The following ELSPBP1 variants were observed in gnomAD, a reference collection of about 807,000 sequenced individuals.
ELSPBP1 encodes epididymal sperm-binding protein 1.
In ELSPBP1, 38 loss-of-function variants were observed where a neutral mutation model predicts 33.3. The observed-to-expected ratio is 1.14, with a 90% CI of 0.88 to 1.50. The LOEUF (loss-of-function observed/expected upper bound fraction) is 1.50, where lower values mean the gene tolerates loss of function less well. ELSPBP1 is among the 40% of genes most tolerant of loss of function. The pLI is 0.00. For synonymous variants in ELSPBP1, 85 were observed against 94.1 expected (o/e 0.90, Z 0.56); for missense variants, 267 against 263.5 (o/e 1.01, Z -0.09).
intron 5 of ELSPBP1, among the ~76,000 whole-genome samples, chr19:48,021,199 G>A (rs558338679): frequency 6.6e-6 from 1 of 152,124 alleles, no homozygotes; most frequent in Non-Finnish European, 1.5e-5. Flanking sequence ...GTGGTCATTT[G>A]TGGACACACA....
rs1451075559 is a variant in ELSPBP1, at chr19:48,011,128, G to T, written c.70+2391G>T. Among the ~76,000 whole-genome samples the T allele has an allele frequency of 1.3e-5, 2 of 152,060 alleles. No homozygotes were observed. The highest frequency in any genetic ancestry group is 3.9e-4 in the East Asian group (2 of 5,186). ...TGACAATGATGATGGTGACAGTGAT[G>T]ATGATGACGATGATGATAATGATTA... On this transcript the variant is annotated intron_variant, in intron 2 of 6. Transcript: ENST00000339841. The surrounding 1 kb of genome is among the most constrained non-coding windows in gnomAD (Gnocchi z 4.5).
chr19:48,012,321 G>A (rs867907482), intron 2 of ELSPBP1, among the ~76,000 whole-genome samples: 5 of 151,726 alleles, frequency 3.3e-5, no homozygotes, highest in East Asian at 1.9e-4. Context: ...GTAGAGATGG[G>A]GGTCTCACTT....
chr19:48,020,485 C>G (rs746805695), intron 5 of ELSPBP1, among the ~76,000 whole-genome samples: 2 of 152,196 alleles, frequency 1.3e-5, no homozygotes, highest in Non-Finnish European at 1.5e-5. Context: ...TGTTGGGAGA[C>G]TCAGACTCAA....
intron 4 of ELSPBP1, among the ~76,000 whole-genome samples, chr19:48,016,456 TTTTCTTTCCTTCTTTCTTTCTTTCTTTC>T (rs1287342559): frequency 0.026 from 2,602 of 99,880 alleles, 94 homozygotes; most frequent in African/African-American, 0.036. Flanking sequence ...TTTCTCTTTC[TTTTCTTTCCTTCTTTCTTTCTTTCTTTC>T]TTTCTTTCTT....
At chr19:48,013,213 G>GC (rs1967095613) in intron 2 of ELSPBP1, among the ~76,000 whole-genome samples, 1 of 152,040 alleles carries the variant, frequency 6.6e-6, no homozygotes, top group African/African-American at 2.4e-5. Context: ...AATGTCATTG[G>GC]CCCCCCATTT....
chr19:48,012,485 AG>A (rs1413677778), intron 2 of ELSPBP1, among the ~76,000 whole-genome samples: 1 of 152,194 alleles, frequency 6.6e-6, no homozygotes, highest in Non-Finnish European at 1.5e-5. Context: ...TTGAAAAAAA[AG>A]AAGGACAACT....
Position 48,022,313 on chromosome 19 carries a change from T to A in ELSPBP1, c.658T>A (p.Trp220Arg). 6.2e-7 allele frequency: 1 copy of A among 1,611,892 alleles called. No homozygotes were observed. The highest frequency in any genetic ancestry group is 8.5e-7 in the Non-Finnish European group (1 of 1,179,036). ...TTACAACTACGACCAAGACCACACC[T>A]GGGTGTATTGCTGATGCTGAGGTGA... ...TSYNYDQDHT[W>R]VYC Residue 220 changes from tryptophan to arginine, a missense_variant, in exon 6 of 7, where the codon TGG (tryptophan) becomes AGG (arginine). Trp to Arg is a moderately radical substitution (Grantham distance 101). Transcript: ENST00000339841.
chr19:48,007,834 G>A (rs1171050698), intron 1 of ELSPBP1, among the ~76,000 whole-genome samples: 1 of 152,142 alleles, frequency 6.6e-6, no homozygotes, highest in Non-Finnish European at 1.5e-5. Flanking sequence ...CTGAGTGTTA[G>A]TTTCTGCATC....
intron 1 of ELSPBP1, among the ~76,000 whole-genome samples, chr19:48,003,288 C>T (rs1279445072): frequency 2.0e-5 from 3 of 152,152 alleles, no homozygotes; most frequent in Non-Finnish European, 4.4e-5. Flanking sequence ...ACCAATTCTT[C>T]GAATTTGCAC....
intron 1 of ELSPBP1, among the ~76,000 whole-genome samples, chr19:48,003,587 A>C (rs539366787): frequency 4.8e-5 from 7 of 144,452 alleles, no homozygotes; most frequent in African/African-American, 1.5e-4. Flanking sequence ...CCCAGGCTGG[A>C]GTGCAGTGGC....
rs147202010 is a variant in ELSPBP1, at chr19:48,013,088, G to C, written c.71-1083G>C. On this transcript the variant is annotated intron_variant, in intron 2 of 6. Coordinates refer to ENST00000339841, the MANE Select transcript of ELSPBP1 (RefSeq NM_022142.5). ...GCTTTCTCTTTTGCGTAAGCAGAAG[G>C]ACTAAAAGGACCACTGGAAAATGAT... Among the ~76,000 whole-genome samples, 9 of 152,268 alleles carry C rather than the reference G, an allele frequency of 5.9e-5. 1 individual carries two copies. Among genetic ancestry groups the C allele is most frequent in the African/African-American group, 2.2e-4 (9 of 41,564 alleles).
chr19:48,016,084 T>A (rs755798307), intron 4 of ELSPBP1, 45 bp downstream of exon 4: 23 of 1,600,428 alleles, frequency 1.4e-5, no homozygotes, highest in Non-Finnish European at 2.0e-5. Flanking sequence ...GGAGGGAGAG[T>A]GGACAGCATG....
rs751607695 is a variant in ELSPBP1 at position 48,014,175 on chromosome 19, G to A, written c.75G>A (p.Met25Ile). 6.2e-7 allele frequency: 1 copy of A among 1,613,290 alleles called. No homozygotes were observed. The highest frequency in any genetic ancestry group is 1.7e-5 in the Admixed American group (1 of 59,976). Residue 25 changes from methionine to isoleucine, a missense_variant, in exon 3 of 7, where the codon ATG (methionine) becomes ATA (isoleucine). Physicochemically the swap from Met to Ile is conservative, Grantham distance 10. Transcript: ENST00000339841. ...LLYSYESSGG[M>I]HEECVFPFTY... ...TTTTCTCCTTCTGCCCTTCAGGGAT[G>A]CATGAGGAATGTGTCTTTCCTTTCA... is the stretch of plus-strand genomic sequence containing the variant.
At chr19:47,997,363 TA>T (rs1966921319) in intron 1 of ELSPBP1, among the ~76,000 whole-genome samples, 2 of 152,236 alleles carry the variant, frequency 1.3e-5, no homozygotes, top group Non-Finnish European at 2.9e-5. Flanking sequence ...CATGTGAGCA[TA>T]TGTGCATGCA....
At chr19:47,998,177 G>T (rs1966929099) in intron 1 of ELSPBP1, among the ~76,000 whole-genome samples, 1 of 152,136 alleles carries the variant, frequency 6.6e-6, no homozygotes. Context: ...ACTTAGGGGG[G>T]CTGAGGTGTG....
intron 1 of ELSPBP1, among the ~76,000 whole-genome samples, chr19:47,995,800 G>C (rs768524994): frequency 3.3e-5 from 5 of 152,174 alleles, no homozygotes; most frequent in Non-Finnish European, 7.3e-5. Flanking sequence ...TTGGAGTTCA[G>C]AGAGGTGAAA....
chr19:48,008,792 G>A, intron 2 of ELSPBP1, 55 bp downstream of exon 2: 1 of 1,499,866 alleles, frequency 6.7e-7, no homozygotes, highest in South Asian at 1.2e-5. Flanking sequence ...GAATGAATGG[G>A]GCAAAGCAAA....
intron 1 of ELSPBP1, among the ~76,000 whole-genome samples, chr19:48,005,230 AAAAC>A (rs1279513771): frequency 1.3e-5 from 2 of 152,056 alleles, no homozygotes; most frequent in Non-Finnish European, 2.9e-5. Flanking sequence ...AAAAAAGAAA[AAAAC>A]AAAAAGAGAA....
At chr19:48,022,411 C>T (rs188266689) in intron 6 of ELSPBP1, 77 bp downstream of exon 6, 788 of 1,295,684 alleles carry the variant, frequency 6.1e-4, no homozygotes, top group Non-Finnish European at 7.6e-4. Flanking sequence ...GTCACTGATG[C>T]GAAGGCGAGA....
Sources: allele counts gnomAD v4.1 joint callset (sites outside exome capture counted in the v4.1 genomes callset), GRCh38; gene constraint gnomAD v4.1.1; non-coding constraint Gnocchi (gnomAD v3.1); transcripts MANE v1.5; gene names NCBI Gene and HGNC (gene_info 2026-07-23, HGNC 2026-07-21).